FGF12: variants seen among roughly 807,000 people sequenced by gnomAD.
FGF12 encodes fibroblast growth factor 12, also known as fibroblast growth factor 12B.
A neutral mutation model predicts 23.6 loss-of-function variants in FGF12; 14 were observed. The observed-to-expected ratio is 0.59, with a 90% CI of 0.39 to 0.93. The LOEUF (loss-of-function observed/expected upper bound fraction) is 0.93. FGF12 is among the 40% of genes least tolerant of loss of function. FGF12 has a pLI of 0.00. For missense variants in FGF12, 175 were observed against 217.8 expected, an observed-to-expected ratio of 0.80 and a Z score of 1.24; for synonymous variants, 62 against 77.3, an observed-to-expected ratio of 0.80 and a Z score of 1.04.
At chr3:192,635,588 T>G (rs1347065507) in intron 2 of FGF12, among the ~76,000 whole-genome samples, 4 of 152,228 alleles carry the variant, frequency 2.6e-5, no homozygotes, top group Admixed American at 2.0e-4. Flanking sequence ...TTATAATGCT[T>G]ATGACTTGGC....
intron 2 of FGF12, among the ~76,000 whole-genome samples, chr3:192,362,401 C>A (rs575954159): frequency 6.6e-6 from 1 of 151,912 alleles, no homozygotes; most frequent in Non-Finnish European, 1.5e-5. Context: ...CTCCACCCCA[C>A]GACAGTCCCA....
intron 4 of FGF12, among the ~76,000 whole-genome samples, chr3:192,241,131 C>T (rs1719596549): frequency 1.3e-5 from 2 of 152,276 alleles, no homozygotes; most frequent in South Asian, 2.1e-4. Flanking sequence ...TCAGGGAATA[C>T]TATTCCCATG....
intron 4 of FGF12, among the ~76,000 whole-genome samples, chr3:192,200,174 A>T (rs28482924): frequency 0.11 from 16,268 of 151,480 alleles, 982 homozygotes; most frequent in South Asian, 0.19. Flanking sequence ...AAAAAAAAAA[A>T]AATAATTAGC....
At chr3:192,466,704 C>T (rs529951786) in intron 2 of FGF12, among the ~76,000 whole-genome samples, 1 of 152,262 alleles carries the variant, frequency 6.6e-6, no homozygotes, top group African/African-American at 2.4e-5. Flanking sequence ...AAGCTATTCA[C>T]TAGCATAGAT....
At chr3:192,296,547 T>C (rs1715053519) in intron 4 of FGF12, among the ~76,000 whole-genome samples, 1 of 152,154 alleles carries the variant, frequency 6.6e-6, no homozygotes, top group Non-Finnish European at 1.5e-5. Context: ...AAACAAAATC[T>C]TCAAAAATTG....
chr3:192,495,081 G>A (rs186499293), intron 2 of FGF12, among the ~76,000 whole-genome samples: 51 of 152,150 alleles, frequency 3.4e-4, no homozygotes, highest in African/African-American at 1.2e-3. Flanking sequence ...GGCTGGTCTT[G>A]AACTCCTGAC....
intron 2 of FGF12, among the ~76,000 whole-genome samples, chr3:192,708,035 C>G (rs1718535487): frequency 6.6e-6 from 1 of 152,174 alleles, no homozygotes; most frequent in Non-Finnish European, 1.5e-5. Context: ...TCTCGGCTCA[C>G]TGCAAGCTCC....
intron 4 of FGF12, among the ~76,000 whole-genome samples, chr3:192,240,740 T>G (rs1719573952): frequency 6.6e-6 from 1 of 152,204 alleles, no homozygotes; most frequent in Non-Finnish European, 1.5e-5. Context: ...AGAAGACATA[T>G]CTCCCCCCAA....
intron 5 of FGF12, among the ~76,000 whole-genome samples, chr3:192,162,389 G>A (rs186691710): frequency 2.5e-3 from 385 of 152,094 alleles, no homozygotes; most frequent in African/African-American, 8.7e-3. Flanking sequence ...CTGTATGTTC[G>A]TTTAGAAAGA....
intron 4 of FGF12, among the ~76,000 whole-genome samples, chr3:192,174,420 ATAATTC>A (rs141279900): frequency 0.044 from 6,626 of 152,296 alleles, 190 homozygotes; most frequent in Admixed American, 0.059. Context: ...TCCATTCAGT[ATAATTC>A]CAACAGGGCT....
intron 2 of FGF12, among the ~76,000 whole-genome samples, chr3:192,386,689 A>C (rs1040961537): frequency 3.9e-5 from 6 of 152,214 alleles, no homozygotes; most frequent in African/African-American, 1.4e-4. Flanking sequence ...CAATGCATGA[A>C]TAGAAACAGA....
Position 192,158,363 on chromosome 3 carries a change from T to TTTCTTTCTTTCTTTCTTTCTTTC in FGF12, c.427+12094_427+12095insGAAAGAAAGAAAGAAAGAAAGAA, listed in dbSNP as rs1560171383. ...CTTTCTTTCTTTCTTTCTTTCTTTCTTTCTTTCTTTCTTTCTTTCTTTTCT... is the reference window on the plus strand; with the variant it reads ...CTTTCTTTCTTTCTTTCTTTCTTTCTTTCTTTCTTTCTTTCTTTCTTTCTTCTTTCTTTCTTTCTTTCTTTTCT... On this transcript the variant is annotated intron_variant, in intron 5 of 5. Transcript: ENST00000445105. Among the ~76,000 whole-genome samples, 113 of 108,500 alleles carry TTTCTTTCTTTCTTTCTTTCTTTC rather than the reference T, an allele frequency of 1.0e-3. 3 individuals are homozygous for TTTCTTTCTTTCTTTCTTTCTTTC. The highest frequency in any genetic ancestry group is 4.3e-3 in the African/African-American group (112 of 26,124). The allele number at this position is 108,500 out of a possible 152,430, so 71.2% of individuals were successfully genotyped here.
At chr3:192,187,023 G>A (rs1284333454) in intron 4 of FGF12, among the ~76,000 whole-genome samples, 1 of 152,120 alleles carries the variant, frequency 6.6e-6, no homozygotes, top group Admixed American at 6.5e-5. Flanking sequence ...TTTTATAAAA[G>A]GAAGCCAACC....
chr3:192,335,316 G>T, intron 4 of FGF12, 45 bp downstream of exon 4: 1 of 1,246,824 alleles, frequency 8.0e-7, no homozygotes, highest in Non-Finnish European at 1.2e-6. Flanking sequence ...CCTCTCAGTG[G>T]TAGTTCACAC....
Position 192,205,560 on chromosome 3 carries a change from A to T in FGF12, c.229-34904T>A, listed in dbSNP as rs1318146043. ...GCATAAAACTTAAGTGCCCAGCAAGAAGAGACTAGCATCTTATCCTTAGAC... is the reference window on the plus strand; with the variant it reads ...GCATAAAACTTAAGTGCCCAGCAAGTAGAGACTAGCATCTTATCCTTAGAC... On this transcript the variant is annotated intron_variant, in intron 4 of 5. Transcript: ENST00000445105. Among the ~76,000 whole-genome samples the T allele has an allele frequency of 2.0e-5, 3 of 152,196 alleles. No individual in the cohort carries two copies. The East Asian group carries it at 5.8e-4, about 29-fold the overall frequency.
chr3:192,209,516 G>T (rs928134888), intron 4 of FGF12, among the ~76,000 whole-genome samples: 2 of 152,178 alleles, frequency 1.3e-5, no homozygotes, highest in African/African-American at 4.8e-5. Flanking sequence ...TATCAAAAGA[G>T]AATGTATTCT....
chr3:192,266,420 A>G (rs553086565), intron 4 of FGF12, among the ~76,000 whole-genome samples: 1 of 152,266 alleles, frequency 6.6e-6, no homozygotes, highest in South Asian at 2.1e-4. Flanking sequence ...AAGTAGGTTT[A>G]CTGCCCTCCC....
At chr3:192,186,085 T>A (rs1365932872) in intron 4 of FGF12, among the ~76,000 whole-genome samples, 2 of 152,174 alleles carry the variant, frequency 1.3e-5, no homozygotes, top group Non-Finnish European at 2.9e-5. Flanking sequence ...AGATAGTGAT[T>A]TTATGTTGAG....
intron 2 of FGF12, among the ~76,000 whole-genome samples, chr3:192,651,454 A>G (rs1716211161): frequency 6.6e-6 from 1 of 152,326 alleles, no homozygotes; most frequent in Non-Finnish European, 1.5e-5. Context: ...ATTTACTGGT[A>G]TATGGCAAAT....
Sources: gnomAD v4.1 joint callset for allele counts (sites outside exome capture counted in the v4.1 genomes callset) on GRCh38, gnomAD v4.1.1 for gene constraint, MANE v1.5 for transcripts, NCBI Gene and HGNC (gene_info 2026-07-23, HGNC 2026-07-21) for gene names.